MMP15: variants seen among roughly 807,000 people sequenced by gnomAD.
MMP15 encodes matrix metallopeptidase 15.
In MMP15, 36 loss-of-function variants were observed where a neutral mutation model predicts 65.0. The observed-to-expected ratio is 0.55, with a 90% confidence interval of 0.42 to 0.73. The LOEUF is 0.73. Among genes scored for constraint, MMP15 ranks in the 30% least tolerant of loss-of-function variants. MMP15 has a pLI of 0.00. For missense variants in MMP15, 870 were observed against 987.8 expected (o/e 0.88, Z 1.60); for synonymous variants, 428 against 410.2 (o/e 1.04, Z -0.52).
chr16:58,038,813 T>C (rs1340420417), intron 3 of MMP15, among the ~76,000 whole-genome samples: 3 of 152,222 alleles, frequency 2.0e-5, no homozygotes, highest in African/African-American at 7.2e-5. Flanking sequence ...CAAGTGTGCC[T>C]TGAGCCATGT....
intron 5 of MMP15, 114 bp from the exon 6 acceptor site, chr16:58,041,503 T>C (rs1959452738): frequency 2.5e-6 from 3 of 1,177,048 alleles, no homozygotes; most frequent in Non-Finnish European, 3.6e-6. Context: ...AGGGGTCTGC[T>C]GTAGATGGAC....
At chr16:58,036,299 C>T (rs1277056135) in intron 1 of MMP15, among the ~76,000 whole-genome samples, 2 of 152,216 alleles carry the variant, frequency 1.3e-5, no homozygotes, top group African/African-American at 2.4e-5. Context: ...CCCCTCTCTA[C>T]CACAGCTCGG....
chr16:58,042,247 G>T lies in MMP15; in HGVS notation c.1181G>T (p.Arg394Leu). Residue 394 changes from arginine to leucine, a missense_variant, in exon 7 of 10, where the codon CGA becomes CTA. Transcript: ENST00000219271. ...CCTCCCCAGGGCCGCTGGTTCTGGC[G>T]AGTCCGGCACAACCGCGTCCTGGAC... ...MFVFKGRWFWRVRHNRVLDNY... is the reference protein window; with the variant it reads ...MFVFKGRWFWLVRHNRVLDNY... 1 of 1,614,024 alleles carries T rather than the reference G, an allele frequency of 6.2e-7. No individual in the cohort carries two copies. Among genetic ancestry groups the T allele is most frequent in the Non-Finnish European group, 8.5e-7 (1 of 1,179,988 alleles).
Position 58,045,062 on chromosome 16 carries a change from G to A in MMP15, c.1626G>A (p.Leu542=), listed in dbSNP as rs1408398451. The stretch of plus-strand genomic sequence containing the variant: ...ACTGGAAATTCGACAATGAGCGCCT[G>A]CGGATGGAGCCCGGCTACCCCAAGT... ...TKYWKFDNER[L]RMEPGYPKSI... Residue 542 remains leucine, a synonymous_variant, in exon 10 of 10, where the codon CTG becomes CTA. Coordinates refer to ENST00000219271, the MANE Select transcript of MMP15 (RefSeq NM_002428.4). 1 of 1,613,278 alleles carries A rather than the reference G, an allele frequency of 6.2e-7. No individual in the cohort carries two copies. Among genetic ancestry groups the A allele is most frequent in the African/African-American group, 1.3e-5 (1 of 74,946 alleles).
At chr16:58,044,873 G>A (rs1567432449) in intron 9 of MMP15, 134 bp from the exon 10 acceptor site, 1 of 998,714 alleles carries the variant, frequency 1.0e-6, no homozygotes, top group Non-Finnish European at 1.5e-6. Context: ...TTGAGAAGGG[G>A]CAGATTTGAA....
rs28583985 is a variant in MMP15 at position 58,030,654 on chromosome 16, C to T, written c.162+4142C>T. 2.3e-3 allele frequency among the ~76,000 whole-genome samples: 346 copies of T among 152,274 alleles called. 3 individuals are homozygous for T. The highest frequency in any genetic ancestry group is 7.7e-3 in the African/African-American group (321 of 41,538). On this transcript the variant is annotated intron_variant, in intron 1 of 9. Transcript: ENST00000219271. ...CTGGCACTGGCACTGCCTTGTCCTT[C>T]CCCTAGGAGTGACTGTCACCCTGTA...
At chr16:58,028,351 G>T (rs1013515175) in intron 1 of MMP15, among the ~76,000 whole-genome samples, 7 of 152,220 alleles carry the variant, frequency 4.6e-5, no homozygotes, top group African/African-American at 1.4e-4. Flanking sequence ...GACCTGGGCA[G>T]TGACTGGAAG....
chr16:58,038,214 C>A, intron 2 of MMP15, 52 bp from the exon 3 acceptor site: 1 of 1,598,664 alleles, frequency 6.3e-7, no homozygotes, highest in Non-Finnish European at 8.5e-7. Flanking sequence ...CCAGAACAGG[C>A]AGGTGTGTGG....
At chr16:58,036,511 C>T (rs1166632108) in intron 1 of MMP15, among the ~76,000 whole-genome samples, 1 of 152,162 alleles carries the variant, frequency 6.6e-6, no homozygotes, top group Non-Finnish European at 1.5e-5. Flanking sequence ...GAAGACTTGC[C>T]AAGCAAGCCC....
intron 1 of MMP15, among the ~76,000 whole-genome samples, chr16:58,027,985 G>A (rs1963846807): frequency 6.6e-6 from 1 of 152,232 alleles, no homozygotes; most frequent in African/African-American, 2.4e-5. Context: ...TGCCACTCTG[G>A]GCTGGAGTGC....
chr16:58,026,137 C>A lies in MMP15; in HGVS notation c.-214C>A. 2.2e-6 allele frequency: 1 copy of A among 445,808 alleles called. No homozygotes were observed. The highest frequency in any genetic ancestry group is 3.7e-5 in the East Asian group (1 of 27,054). The allele number at this position is 445,808 out of a possible 1,614,324, so 27.6% of individuals were successfully genotyped here. A position where few individuals can be genotyped will look rare whatever the true frequency, so the allele number is the denominator to read the frequency against. ...GGGGCAGCTCCGGTCGGCCCCCTTT[C>A]CCGCCGGCTGGTTCCGAGCTCCCGG... is the stretch of plus-strand genomic sequence containing the variant. On this transcript the variant is annotated 5_prime_UTR_variant, in exon 1 of 10. Coordinates refer to ENST00000219271, the MANE Select transcript of MMP15 (RefSeq NM_002428.4).
intron 1 of MMP15, among the ~76,000 whole-genome samples, chr16:58,029,936 C>G (rs1158388483): frequency 6.6e-6 from 1 of 152,176 alleles, no homozygotes; most frequent in Admixed American, 6.5e-5. Context: ...TCTGCTGTCC[C>G]TCTGTGGCCC....
chr16:58,043,269 A>G lies in MMP15; in HGVS notation c.1363A>G (p.Thr455Ala), dbSNP rs1346329577. The G allele has an allele frequency of 1.2e-6, 2 of 1,602,498 alleles. No individual in the cohort carries two copies. The highest frequency in any genetic ancestry group is 2.7e-5 in the African/African-American group (2 of 74,702). The change falls in exon 8 of 10, where the codon ACC (threonine) becomes GCC (alanine). Residue 455 changes from threonine to alanine, a missense_variant. By Grantham distance (58) the Thr-to-Ala change is moderately conservative (BLOSUM62 0). Transcript: ENST00000219271. Reference sequence around the variant, plus strand: ...GGAGCCCGGCTACCCACAGCCGCTGACCAGCTATGGCCTGGGCATCCCCTA... The same window carrying G: ...GGAGCCCGGCTACCCACAGCCGCTGGCCAGCTATGGCCTGGGCATCCCCTA... The part of the protein sequence containing the change: ...NLEPGYPQPL[T>A]SYGLGIPYDR...
rs1959472768 is a variant in MMP15, at chr16:58,042,251, C to T, written c.1185C>T (p.Val395=). The change falls in exon 7 of 10, where the codon GTC becomes GTT. Residue 395 remains valine, a synonymous_variant. Coordinates refer to ENST00000219271, the MANE Select transcript of MMP15 (RefSeq NM_002428.4). ...CCCAGGGCCGCTGGTTCTGGCGAGT[C>T]CGGCACAACCGCGTCCTGGACAACT... ...FVFKGRWFWR[V]RHNRVLDNYP... 1 of 1,614,116 alleles carries T rather than the reference C, an allele frequency of 6.2e-7. No individual in the cohort carries two copies. The highest frequency in any genetic ancestry group is 8.5e-7 in the Non-Finnish European group (1 of 1,180,008).
At chr16:58,042,162 T>TG in intron 6 of MMP15, 69 bp from the exon 7 acceptor site, 1 of 1,553,776 alleles carries the variant, frequency 6.4e-7, no homozygotes. Context: ...AAGGGGTGGT[T>TG]TGAGGATGGC....
At chr16:58,044,611 A>G (rs1959517958) in intron 9 of MMP15, among the ~76,000 whole-genome samples, 1 of 152,220 alleles carries the variant, frequency 6.6e-6, no homozygotes, top group Admixed American at 6.5e-5. Context: ...CCAAGGCAGC[A>G]CCAGGTTCCT....
Position 58,045,015 on chromosome 16 carries a change from T to C in MMP15, c.1579T>C (p.Tyr527His), listed in dbSNP as rs774803271. The change falls in exon 10 of 10, where the codon TAC becomes CAC. Residue 527 changes from tyrosine (Y) to histidine (H), a missense_variant. Coordinates refer to ENST00000219271, the MANE Select transcript of MMP15 (RefSeq NM_002428.4). Reference sequence around the variant, plus strand: ...CCTCCTTGCCCCTGCAGCCTACACCTACTTCTACAAGGGCACCAAATACTG... The same window carrying C: ...CCTCCTTGCCCCTGCAGCCTACACCCACTTCTACAAGGGCACCAAATACTG... ...AFLSNDAAYT[Y>H]FYKGTKYWKF... is the part of the protein sequence containing the mutation. The C allele has an allele frequency of 8.1e-6, 13 of 1,613,256 alleles. No homozygotes were observed. Among genetic ancestry groups the C allele is most frequent in the Admixed American group, 1.7e-5 (1 of 59,996 alleles).
intron 1 of MMP15, among the ~76,000 whole-genome samples, chr16:58,032,973 G>A (rs1274861177): frequency 1.3e-5 from 2 of 152,184 alleles, no homozygotes; most frequent in African/African-American, 2.4e-5. Context: ...GGGGGCTGCC[G>A]GCCAGCTCCA....
chr16:58,037,474 C>G lies in MMP15; in HGVS notation c.165C>G (p.Asn55Lys), dbSNP rs1433138547. ...ACAGAGTTGCGGCTTCTTTGCAGAA[C>G]TGGCTGCGGCTTTATGGCTACCTGC... is the stretch of plus-strand genomic sequence containing the variant. ...AAEDAEVHAE[N>K]WLRLYGYLPQ... is the part of the protein sequence containing the mutation. The change falls in exon 2 of 10, where the codon AAC becomes AAG. Residue 55 changes from asparagine (N) to lysine (K), a missense_variant and splice_region_variant. Physicochemically the swap from Asn to Lys is moderately conservative, Grantham distance 94. Coordinates refer to ENST00000219271, the MANE Select transcript of MMP15 (RefSeq NM_002428.4). 6.2e-7 allele frequency: 1 copy of G among 1,613,430 alleles called. No individual in the cohort carries two copies. The highest frequency in any genetic ancestry group is 1.3e-5 in the African/African-American group (1 of 74,936).
Sources: gnomAD v4.1 joint callset for allele counts (sites outside exome capture counted in the v4.1 genomes callset) on GRCh38, gnomAD v4.1.1 for gene constraint, MANE v1.5 for transcripts, NCBI Gene and HGNC (gene_info 2026-07-23, HGNC 2026-07-21) for gene names.